MTUS1: variants seen among roughly 807,000 people sequenced by gnomAD.
The protein encoded by MTUS1 is microtubule-associated tumor suppressor 1.
Under a neutral mutation model 120.8 loss-of-function variants are expected in MTUS1, and 109 were observed. The ratio of observed to expected loss-of-function variants is 0.90; its 90% CI spans 0.77 to 1.06. The LOEUF (loss-of-function observed/expected upper bound fraction) is 1.06, where lower values mean the gene tolerates loss of function less well. Ranked by LOEUF, MTUS1 falls within the 50% of genes least tolerant of loss-of-function variation. The probability of loss-of-function intolerance (pLI) is 0.00; values close to 1 mark genes in which losing one functional copy is unlikely to be tolerated. For synonymous variants in MTUS1, 737 were observed against 550.5 expected (o/e 1.34, Z -4.74); for missense variants, 2,210 against 1,486.3 (o/e 1.49, Z -8.01).
chr8:17,745,815 T>C (rs2047698806), intron 2 of MTUS1, among the ~76,000 whole-genome samples: 1 of 152,228 alleles, frequency 6.6e-6, no homozygotes, highest in Non-Finnish European at 1.5e-5. Context: ...CTTTGGAAGC[T>C]AGTGATATAA....
intron 1 of MTUS1, among the ~76,000 whole-genome samples, chr8:17,759,872 C>G (rs1563343170): frequency 1.3e-5 from 2 of 151,658 alleles, no homozygotes; most frequent in Non-Finnish European, 2.9e-5. Context: ...ATTTAACTTT[C>G]ACTTAACATT....
At chr8:17,713,747 T>C (rs1821785435) in intron 5 of MTUS1, among the ~76,000 whole-genome samples, 1 of 152,180 alleles carries the variant, frequency 6.6e-6, no homozygotes, top group Admixed American at 6.5e-5. Context: ...GGTACACAGC[T>C]GTAAGTCACT....
intron 3 of MTUS1, among the ~76,000 whole-genome samples, chr8:17,726,735 G>A (rs2046253576): frequency 6.6e-6 from 1 of 152,034 alleles, no homozygotes; most frequent in African/African-American, 2.4e-5. Flanking sequence ...CTTGCTTTAG[G>A]AAGAACAGGA....
Position 17,644,260 on chromosome 8 carries a change from A to G in MTUS1, c.*1666T>C, listed in dbSNP as rs1368078951. On this transcript the variant is annotated 3_prime_UTR_variant, in exon 15 of 15. Coordinates refer to ENST00000693296, the MANE Select transcript of MTUS1 (RefSeq NM_001363059.2). ...GTATTGGAAGTTAAAGACTTAAGACACAAAATCACTAATTTAAAAGAACAT... is the reference window on the plus strand; with the variant it reads ...GTATTGGAAGTTAAAGACTTAAGACGCAAAATCACTAATTTAAAAGAACAT... 1 of 152,658 alleles carries G rather than the reference A, an allele frequency of 6.6e-6. No individual in the cohort carries two copies. The highest frequency in any genetic ancestry group is 6.5e-5 in the Admixed American group (1 of 15,286). The allele number at this position is 152,658 out of a possible 1,614,324, so 9.5% of individuals were successfully genotyped here.
chr8:17,733,695 G>A (rs17506369), intron 3 of MTUS1, among the ~76,000 whole-genome samples: 3,355 of 152,282 alleles, frequency 0.022, 66 homozygotes, highest in Non-Finnish European at 0.029. Flanking sequence ...TTGACTGCCA[G>A]AAAGCCAATC....
At chr8:17,700,751 T>C (rs1392339988) in intron 6 of MTUS1, among the ~76,000 whole-genome samples, 1 of 152,100 alleles carries the variant, frequency 6.6e-6, no homozygotes, top group Non-Finnish European at 1.5e-5. Context: ...GTTAGAATAA[T>C]TTTATAGAAA....
intron 3 of MTUS1, among the ~76,000 whole-genome samples, chr8:17,739,348 C>T (rs1387955547): frequency 6.6e-6 from 1 of 151,800 alleles, no homozygotes; most frequent in East Asian, 1.9e-4. Context: ...GCAAAATTAG[C>T]CAGGTGTGGT....
chr8:17,745,537 A>G (rs995596576), intron 2 of MTUS1, among the ~76,000 whole-genome samples: 1 of 152,184 alleles, frequency 6.6e-6, no homozygotes, highest in East Asian at 1.9e-4. Flanking sequence ...ACTGTATTCA[A>G]TTTTCATTTT....
intron 3 of MTUS1, among the ~76,000 whole-genome samples, chr8:17,736,276 T>C (rs927209779): frequency 1.3e-5 from 2 of 152,244 alleles, no homozygotes; most frequent in Non-Finnish European, 2.9e-5. Flanking sequence ...AGAGGACATG[T>C]GCCTCGCAGG....
At position 17,754,405 on chromosome 8, in the gene MTUS1, T is replaced by A. The variant is rs368824729; in HGVS notation, c.1403A>T (p.Lys468Met). Reference protein sequence around the residue: ...NRGLKNIPDSKEAPVNLCKPS... With the variant: ...NRGLKNIPDSMEAPVNLCKPS... ...TTTACACAGGTTCACAGGTGCCTCC[T>A]TCGAGTCTGGTATGTTTTTAAGCCC... Residue 468 changes from lysine (K) to methionine (M), a missense_variant, in exon 2 of 15, where the codon AAG becomes ATG. Coordinates refer to ENST00000693296, the MANE Select transcript of MTUS1 (RefSeq NM_001363059.2). 6.2e-7 allele frequency: 1 copy of A among 1,614,062 alleles called. No homozygotes were observed. Among genetic ancestry groups the A allele is most frequent in the African/African-American group, 1.3e-5 (1 of 74,926 alleles).
At chr8:17,784,929 T>C (rs1362060903) in intron 1 of MTUS1, among the ~76,000 whole-genome samples, 1 of 151,936 alleles carries the variant, frequency 6.6e-6, no homozygotes, top group Non-Finnish European at 1.5e-5. Context: ...GGATTATAAG[T>C]GTGCACCACC....
chr8:17,719,204 C>CTT (rs1172073953), intron 4 of MTUS1, among the ~76,000 whole-genome samples: 1 of 152,138 alleles, frequency 6.6e-6, no homozygotes, highest in Non-Finnish European at 1.5e-5. Context: ...TTGTTTCAGA[C>CTT]TTTTATCTGC....
rs368289146 is a variant in MTUS1, at chr8:17,673,499, T to C, written c.2905+1687A>G. ...CAGAGTCTTGCTCTGTTGGCCAGAC[T>C]GGAGGGCAGCAGCACAATGACAGCT... On this transcript the variant is annotated intron_variant, in intron 8 of 14. Coordinates refer to ENST00000693296, the MANE Select transcript of MTUS1 (RefSeq NM_001363059.2). 6.6e-4 allele frequency among the ~76,000 whole-genome samples: 101 copies of C among 152,302 alleles called. 3 individuals are homozygous for C. Among genetic ancestry groups the C allele is most frequent in the African/African-American group, 2.3e-3 (97 of 41,572 alleles).
intron 3 of MTUS1, among the ~76,000 whole-genome samples, chr8:17,726,227 C>G (rs902165371): frequency 2.6e-5 from 4 of 152,176 alleles, no homozygotes; most frequent in Non-Finnish European, 5.9e-5. Context: ...TTCACAAGAT[C>G]CCCAGGTGAT....
Position 17,756,635 on chromosome 8 carries a change from T to A in MTUS1, c.-154-674A>T, listed in dbSNP as rs190757199. On this transcript the variant is annotated intron_variant, in intron 1 of 14. Coordinates refer to ENST00000693296, the MANE Select transcript of MTUS1 (RefSeq NM_001363059.2). ...TTACCTTATGTTATACACTAAACTG[T>A]TCCCCACCCCTCTCCAATTCATATG... Among the ~76,000 whole-genome samples the A allele has an allele frequency of 2.1e-3, 311 of 148,056 alleles. 2 individuals carry two copies. The highest frequency in any genetic ancestry group is 7.5e-3 in the African/African-American group (301 of 40,174).
intron 6 of MTUS1, among the ~76,000 whole-genome samples, chr8:17,699,427 C>A (rs1421787044): frequency 6.6e-6 from 1 of 152,192 alleles, no homozygotes; most frequent in East Asian, 1.9e-4. Flanking sequence ...GTTGGCCAGG[C>A]TCGTCTCGAA....
At chr8:17,688,478 T>C (rs967131429) in intron 6 of MTUS1, among the ~76,000 whole-genome samples, 21 of 152,376 alleles carry the variant, frequency 1.4e-4, no homozygotes, top group African/African-American at 4.8e-4. Flanking sequence ...TAAAAACCGA[T>C]GTTTGTGGGT....
At chr8:17,684,709 T>G (rs150323579) in intron 6 of MTUS1, among the ~76,000 whole-genome samples, 167 bp from the exon 7 acceptor site, 1 of 152,176 alleles carries the variant, frequency 6.6e-6, no homozygotes, top group Non-Finnish European at 1.5e-5. Flanking sequence ...ATCTAGACGG[T>G]TGGAATTCAT....
intron 7 of MTUS1, chr8:17,676,530 C>T (rs1813157884): frequency 3.4e-6 from 2 of 582,856 alleles, no homozygotes; most frequent in Non-Finnish European, 6.1e-6. Flanking sequence ...GATACTGCAG[C>T]TTCTGCCTTT....
Sources: allele counts gnomAD v4.1 joint callset (sites outside exome capture counted in the v4.1 genomes callset), GRCh38; gene constraint gnomAD v4.1.1; transcripts MANE v1.5; gene names NCBI Gene and HGNC (gene_info 2026-07-23, HGNC 2026-07-21).